Variants in MAST4 observed in about 807,000 individuals in gnomAD.
MAST4 encodes microtubule-associated serine/threonine-protein kinase 4.
A neutral mutation model predicts 162.7 loss-of-function variants in MAST4; 89 were observed. That is an observed-to-expected ratio of 0.55 (90% CI 0.46 to 0.65). The LOEUF (loss-of-function observed/expected upper bound fraction) is 0.65. Ranked by LOEUF, MAST4 falls within the 30% of genes least tolerant of loss-of-function variation. The probability of loss-of-function intolerance (pLI) is 0.00; values close to 1 mark genes in which losing one functional copy is unlikely to be tolerated. For missense variants in MAST4, 3,153 were observed against 3,374.0 expected (o/e 0.93, Z 1.62); for synonymous variants, 1,479 against 1,361.1 (o/e 1.09, Z -1.91).
intron 1 of MAST4, among the ~76,000 whole-genome samples, chr5:66,674,852 C>A (rs937102166): frequency 6.6e-6 from 1 of 152,234 alleles, no homozygotes; most frequent in South Asian, 2.1e-4. Context: ...CAACAGAAAC[C>A]AAATCTGAAT....
intron 3 of MAST4, among the ~76,000 whole-genome samples, chr5:66,848,281 A>G (rs1759035762): frequency 1.3e-5 from 2 of 152,090 alleles, no homozygotes; most frequent in South Asian, 4.1e-4. Context: ...AACATGCTTT[A>G]TATGTAAATA....
intron 26 of MAST4, among the ~76,000 whole-genome samples, chr5:67,155,771 A>G (rs977236213): frequency 1.4e-4 from 22 of 152,076 alleles, no homozygotes; most frequent in Non-Finnish European, 2.6e-4. Flanking sequence ...AACAAAAATG[A>G]CACATAAGGG....
chr5:66,986,598 A>G, intron 4 of MAST4: 1 of 185,174 alleles, frequency 5.4e-6, no homozygotes, highest in Non-Finnish European at 9.0e-6. Context: ...ATATGTATGA[A>G]TTTATATATA....
intron 2 of MAST4, among the ~76,000 whole-genome samples, chr5:66,771,658 C>G (rs1754364795): frequency 6.6e-6 from 1 of 152,078 alleles, no homozygotes; most frequent in Non-Finnish European, 1.5e-5. Context: ...GGCTTTGGTC[C>G]TTCCCGAGGA....
intron 1 of MAST4, among the ~76,000 whole-genome samples, chr5:66,729,830 AAATT>A: frequency 6.6e-6 from 1 of 152,328 alleles, no homozygotes; most frequent in South Asian, 2.1e-4. Flanking sequence ...AACTTATTTA[AAATT>A]AATAAGTGCT....
At chr5:66,728,326 A>G (rs1040674127) in intron 1 of MAST4, among the ~76,000 whole-genome samples, 3 of 152,164 alleles carry the variant, frequency 2.0e-5, no homozygotes, top group Middle Eastern at 3.2e-3. Context: ...ATAAAAATGC[A>G]TTTGAATTCA....
intron 1 of MAST4, among the ~76,000 whole-genome samples, chr5:66,630,057 C>T (rs1286343750): frequency 6.6e-6 from 1 of 152,080 alleles, no homozygotes; most frequent in Non-Finnish European, 1.5e-5. Flanking sequence ...TGGTTCTCAA[C>T]ACTGGGTACA....
chr5:66,668,620 C>G (rs1045741657), intron 1 of MAST4, among the ~76,000 whole-genome samples: 1 of 152,176 alleles, frequency 6.6e-6, no homozygotes, highest in African/African-American at 2.4e-5. Flanking sequence ...ACTAACCCCA[C>G]AAGGTGATTG....
At chr5:67,127,843 A>G (rs775015898) in intron 14 of MAST4, among the ~76,000 whole-genome samples, 24 of 152,234 alleles carry the variant, frequency 1.6e-4, no homozygotes, top group Non-Finnish European at 2.1e-4. Context: ...TGGTCAAAGT[A>G]GGAAATAATT....
At chr5:66,662,073 C>A (rs146156796) in intron 1 of MAST4, among the ~76,000 whole-genome samples, 2 of 151,564 alleles carry the variant, frequency 1.3e-5, no homozygotes, top group East Asian at 1.9e-4. Context: ...ACTAGTTAAT[C>A]CCTTTTTTTT....
chr5:67,142,865 A>G, intron 21 of MAST4: 1 of 195,938 alleles, frequency 5.1e-6, no homozygotes, highest in Non-Finnish European at 1.0e-5. Flanking sequence ...TTGTTTTCTT[A>G]GAGGCATAGC....
At chr5:66,626,286 T>C (rs938364436) in intron 1 of MAST4, among the ~76,000 whole-genome samples, 4 of 152,194 alleles carry the variant, frequency 2.6e-5, no homozygotes, top group African/African-American at 9.6e-5. Flanking sequence ...ATGATAACTG[T>C]AGGGGTAATA....
intron 1 of MAST4, among the ~76,000 whole-genome samples, chr5:66,684,172 C>T (rs988831592): frequency 2.6e-5 from 4 of 152,212 alleles, no homozygotes; most frequent in Admixed American, 2.6e-4. Flanking sequence ...AGTGCTTGCT[C>T]TGCAGAGCCT....
chr5:66,893,651 C>G (rs961780534), intron 3 of MAST4, among the ~76,000 whole-genome samples: 1 of 152,140 alleles, frequency 6.6e-6, no homozygotes, highest in Non-Finnish European at 1.5e-5. Context: ...GATTCTCCAT[C>G]CATCTCACAT....
At chr5:66,797,176 C>T (rs551737039) in intron 3 of MAST4, among the ~76,000 whole-genome samples, 1 of 152,264 alleles carries the variant, frequency 6.6e-6, no homozygotes, top group South Asian at 2.1e-4. Context: ...CCAGCATTGA[C>T]GTGTTTGCTA....
intron 4 of MAST4, among the ~76,000 whole-genome samples, chr5:67,040,553 G>A (rs1413400712): frequency 6.6e-6 from 1 of 152,174 alleles, no homozygotes; most frequent in Non-Finnish European, 1.5e-5. Flanking sequence ...TGGACTGTCT[G>A]TCCACCAGGG....
In MAST4 at chr5:67,163,041, A is replaced by G. The variant is rs946888382; in HGVS notation, c.3968-106A>G. ...ATTCCACTAGCTAAATGCTGAGACAATTTGCTGATCTTACCTGGCCTTACC... is the reference window on the plus strand; with the variant it reads ...ATTCCACTAGCTAAATGCTGAGACAGTTTGCTGATCTTACCTGGCCTTACC... On this transcript the variant is annotated intron_variant, in intron 28 of 28. Coordinates refer to ENST00000403625, the MANE Select transcript of MAST4 (RefSeq NM_001164664.2). This position sits in a 1 kb window ranked among gnomAD's most constrained non-coding sequence, Gnocchi z 7.0. 18 of 1,299,472 alleles carry G rather than the reference A, an allele frequency of 1.4e-5. No individual in the cohort carries two copies. The African/African-American group carries it at 2.1e-4, about 15-fold the overall frequency. The allele number at this position is 1,299,472 out of a possible 1,614,324, so 80.5% of individuals were successfully genotyped here.
intron 4 of MAST4, chr5:67,001,664 A>G (rs991387588): frequency 3.9e-5 from 6 of 152,160 alleles, no homozygotes; most frequent in Non-Finnish European, 7.3e-5. Flanking sequence ...TATCATCTTT[A>G]TAGGTTATGC....
At chr5:66,820,449 T>C (rs1756938213) in intron 3 of MAST4, among the ~76,000 whole-genome samples, 1 of 152,218 alleles carries the variant, frequency 6.6e-6, no homozygotes, top group Non-Finnish European at 1.5e-5. Context: ...AATCTATGTA[T>C]TAATATGACA....
Sources: allele counts gnomAD v4.1 joint callset (sites outside exome capture counted in the v4.1 genomes callset), GRCh38; gene constraint gnomAD v4.1.1; non-coding constraint Gnocchi (gnomAD v3.1); transcripts MANE v1.5; gene names NCBI Gene and HGNC (gene_info 2026-07-23, HGNC 2026-07-21).